FAM135A: variants seen among roughly 807,000 people sequenced by gnomAD.
FAM135A encodes protein FAM135A.
FAM135A carries 79 observed loss-of-function variants against 146.8 expected under a neutral mutation model. That is an observed-to-expected ratio of 0.54 (90% CI 0.45 to 0.65). The LOEUF is 0.65. Among genes scored for constraint, FAM135A ranks in the 30% least tolerant of loss-of-function variants. FAM135A has a pLI of 0.00. For synonymous variants in FAM135A, 562 were observed against 603.6 expected, an observed-to-expected ratio of 0.93 and a Z score of 1.01; for missense variants, 1,623 against 1,758.2, an observed-to-expected ratio of 0.92 and a Z score of 1.38.
At chr6:70,493,354 G>A (rs753624546) in intron 11 of FAM135A, among the ~76,000 whole-genome samples, 28 of 152,098 alleles carry the variant, frequency 1.8e-4, no homozygotes, top group Admixed American at 1.0e-3. Flanking sequence ...GTGGCGTGAC[G>A]AATAAGGTTT....
chr6:70,455,762 A>T (rs1778227940), intron 5 of FAM135A, among the ~76,000 whole-genome samples: 1 of 152,210 alleles, frequency 6.6e-6, no homozygotes, highest in South Asian at 2.1e-4. Flanking sequence ...CACAAGGTTA[A>T]ATAGTCTAAC....
chr6:70,556,822 G>T lies in FAM135A; in HGVS notation c.4301G>T (p.Arg1434Leu). 6.2e-7 allele frequency: 1 copy of T among 1,613,804 alleles called. No individual in the cohort carries two copies. Among genetic ancestry groups the T allele is most frequent in the Non-Finnish European group, 8.5e-7 (1 of 1,179,966 alleles). The change falls in exon 21 of 22, where the codon CGC (arginine) becomes CTC (leucine). Residue 1434 changes from arginine (R) to leucine (L), a missense_variant. Around this residue, in one of 7 missense-constraint regions of FAM135A, gnomAD observed 138 missense variants for 174.1 expected, o/e 0.79. Transcript: ENST00000418814. ...QDRYVPYHSA[R>L]IEMCKTALKD... ...CGCTATGTTCCTTATCACTCTGCCC[G>T]CATTGAAATGTGTAAAACAGCTTTA... is the stretch of plus-strand genomic sequence containing the variant.
intron 4 of FAM135A, among the ~76,000 whole-genome samples, chr6:70,450,722 T>G (rs1262410461): frequency 1.5e-4 from 8 of 52,540 alleles, no homozygotes; most frequent in Admixed American, 7.7e-4. Flanking sequence ...AGTTGTTTTT[T>G]TTTTTTTTTT....
At chr6:70,521,369 A>G (rs1184017139) in intron 12 of FAM135A, among the ~76,000 whole-genome samples, 1 of 152,228 alleles carries the variant, frequency 6.6e-6, no homozygotes, top group Non-Finnish European at 1.5e-5. Flanking sequence ...ATAGCCAGAC[A>G]GGCTGTTATT....
chr6:70,427,466 G>A (rs568400041), intron 3 of FAM135A, among the ~76,000 whole-genome samples: 16 of 151,898 alleles, frequency 1.1e-4, no homozygotes, highest in African/African-American at 3.4e-4. Flanking sequence ...CCGGAGGCGG[G>A]GATTGCAGTG....
At chr6:70,518,406 C>G (rs878948021) in intron 12 of FAM135A, among the ~76,000 whole-genome samples, 1 of 152,170 alleles carries the variant, frequency 6.6e-6, no homozygotes, top group African/African-American at 2.4e-5. Context: ...GGTAAGGCAG[C>G]AAGTTCTGAT....
At chr6:70,452,628 A>G (rs1343105418) in intron 5 of FAM135A, 57 bp downstream of exon 5, 5 of 1,321,402 alleles carry the variant, frequency 3.8e-6, no homozygotes, top group Non-Finnish European at 5.2e-6. Flanking sequence ...AATAACTTTT[A>G]ATAAAGTTTT....
chr6:70,455,446 A>G (rs771043643), intron 5 of FAM135A, among the ~76,000 whole-genome samples: 46 of 152,184 alleles, frequency 3.0e-4, no homozygotes, highest in Non-Finnish European at 5.3e-4. Context: ...GTGTATATGT[A>G]TATATATTTT....
At chr6:70,450,597 G>A (rs1236001972) in intron 4 of FAM135A, among the ~76,000 whole-genome samples, 1 of 151,538 alleles carries the variant, frequency 6.6e-6, no homozygotes, top group Non-Finnish European at 1.5e-5. Context: ...GTTTATTTCT[G>A]GAATTCTGTC....
At chr6:70,472,654 T>A (rs926705842) in intron 5 of FAM135A, among the ~76,000 whole-genome samples, 5 of 152,186 alleles carry the variant, frequency 3.3e-5, no homozygotes, top group Non-Finnish European at 4.4e-5. Context: ...AAATCATATA[T>A]TGTAATTAAT....
At chr6:70,550,703 A>C (rs1799666349) in intron 20 of FAM135A, among the ~76,000 whole-genome samples, 1 of 152,208 alleles carries the variant, frequency 6.6e-6, no homozygotes, top group Non-Finnish European at 1.5e-5. Flanking sequence ...TCAAGGCCCC[A>C]GCTGCATTAA....
intron 20 of FAM135A, among the ~76,000 whole-genome samples, chr6:70,539,013 C>T (rs954090027): frequency 1.3e-4 from 19 of 151,952 alleles, no homozygotes; most frequent in African/African-American, 4.6e-4. Flanking sequence ...CAGGCCTTTA[C>T]AACCTAAAGT....
At chr6:70,450,160 T>C (rs1776711349) in intron 4 of FAM135A, among the ~76,000 whole-genome samples, 1 of 152,196 alleles carries the variant, frequency 6.6e-6, no homozygotes, top group African/African-American at 2.4e-5. Context: ...GGATATTAGT[T>C]CCTTATCAGA....
At chr6:70,443,382 C>T (rs1004127592) in intron 4 of FAM135A, among the ~76,000 whole-genome samples, 2 of 152,174 alleles carry the variant, frequency 1.3e-5, no homozygotes, top group African/African-American at 4.8e-5. Flanking sequence ...TACCTATTAT[C>T]GTGTTATAAT....
At chr6:70,533,295 C>A in intron 17 of FAM135A, 44 bp downstream of exon 17, 1 of 1,477,584 alleles carries the variant, frequency 6.8e-7, no homozygotes, top group Non-Finnish European at 9.3e-7. Flanking sequence ...CATTTTTGTA[C>A]CAGTTTCTAC....
intron 20 of FAM135A, among the ~76,000 whole-genome samples, chr6:70,546,643 G>C (rs1342930712): frequency 6.6e-6 from 1 of 152,084 alleles, no homozygotes; most frequent in African/African-American, 2.4e-5. Context: ...TAAATGTATT[G>C]GGTGAGAAAT....
At chr6:70,453,416 TA>T (rs1777562458) in intron 5 of FAM135A, among the ~76,000 whole-genome samples, 1 of 152,146 alleles carries the variant, frequency 6.6e-6, no homozygotes, top group Admixed American at 6.5e-5. Flanking sequence ...TTTTTATTTT[TA>T]TTTTTTATTA....
intron 5 of FAM135A, among the ~76,000 whole-genome samples, chr6:70,458,363 A>G (rs1448032162): frequency 2.0e-5 from 3 of 152,162 alleles, no homozygotes; most frequent in African/African-American, 7.2e-5. Context: ...TCATATTTCA[A>G]ATATTATATC....
At chr6:70,508,770 GAATGCCCAGTT>G (rs1350638829) in intron 12 of FAM135A, among the ~76,000 whole-genome samples, 2 of 152,168 alleles carry the variant, frequency 1.3e-5, no homozygotes, top group Non-Finnish European at 2.9e-5. Context: ...ATGAAATGCA[GAATGCCCAGTT>G]AAATTTGGAT....
Sources: allele counts gnomAD v4.1 joint callset (sites outside exome capture counted in the v4.1 genomes callset), GRCh38; gene constraint gnomAD v4.1.1; regional missense constraint gnomAD v4.1.1; transcripts MANE v1.5; gene names NCBI Gene and HGNC (gene_info 2026-07-23, HGNC 2026-07-21).